Variants in ATRNL1 observed in about 807,000 individuals in gnomAD.
ATRNL1 encodes attractin-like protein 1.
ATRNL1 carries 95 observed loss-of-function variants against 182.7 expected under a neutral mutation model. The ratio of observed to expected loss-of-function variants is 0.52; its 90% confidence interval spans 0.44 to 0.62. ATRNL1 has a LOEUF of 0.62. Ranked by LOEUF, ATRNL1 falls within the 20% of genes least tolerant of loss-of-function variation. The pLI is 0.00. For missense variants in ATRNL1, 1,471 were observed against 1,679.5 expected (o/e 0.88, Z 2.17); for synonymous variants, 576 against 568.3 (o/e 1.01, Z -0.19).
At chr10:115,875,806 G>T (rs1555107101) in intron 28 of ATRNL1, among the ~76,000 whole-genome samples, 1 of 152,150 alleles carries the variant, frequency 6.6e-6, no homozygotes, top group African/African-American at 2.4e-5. Flanking sequence ...GTTACAAATT[G>T]TGATCATTGC....
At chr10:115,661,533 C>G (rs548023208) in intron 26 of ATRNL1, among the ~76,000 whole-genome samples, 1 of 152,242 alleles carries the variant, frequency 6.6e-6, no homozygotes, top group African/African-American at 2.4e-5. Flanking sequence ...AAGTTCCAGT[C>G]AGAAGATGAT....
intron 28 of ATRNL1, among the ~76,000 whole-genome samples, chr10:115,869,964 C>CTTTTTT (rs150345069): frequency 7.0e-5 from 5 of 71,692 alleles, no homozygotes; most frequent in African/African-American, 3.2e-4. Context: ...GTTCCCAGAC[C>CTTTTTT]TTTTTTTTTT....
intron 24 of ATRNL1, among the ~76,000 whole-genome samples, chr10:115,474,633 A>C (rs565440025): frequency 6.6e-6 from 1 of 150,584 alleles, no homozygotes; most frequent in African/African-American, 2.4e-5. Context: ...TGGTGTTAGG[A>C]CTCTTCACTG....
chr10:115,449,602 G>A (rs1052272881), intron 21 of ATRNL1, among the ~76,000 whole-genome samples: 1 of 152,238 alleles, frequency 6.6e-6, no homozygotes, highest in African/African-American at 2.4e-5. Flanking sequence ...GGGGTTGTGG[G>A]TACCCCCCAG....
At chr10:115,145,616 C>A (rs1845938934) in intron 5 of ATRNL1, among the ~76,000 whole-genome samples, 1 of 152,102 alleles carries the variant, frequency 6.6e-6, no homozygotes, top group African/African-American at 2.4e-5. Flanking sequence ...GATACTGTAA[C>A]AAAATCAAAT....
intron 20 of ATRNL1, among the ~76,000 whole-genome samples, chr10:115,420,884 G>GGATCATTAGAGACTATA (rs1592631757): frequency 6.6e-6 from 1 of 152,008 alleles, no homozygotes; most frequent in Non-Finnish European, 1.5e-5. Flanking sequence ...TGATACCACA[G>GGATCATTAGAGACTATA]CAATACAAAG....
At chr10:115,119,398 G>A (rs189334664) in intron 1 of ATRNL1, among the ~76,000 whole-genome samples, 223 of 152,066 alleles carry the variant, frequency 1.5e-3, no homozygotes, top group Non-Finnish European at 2.4e-3. Context: ...TGTGATGTGT[G>A]TGTGTTTGCA....
intron 26 of ATRNL1, among the ~76,000 whole-genome samples, chr10:115,640,578 T>C (rs1207426297): frequency 6.6e-6 from 1 of 152,198 alleles, no homozygotes; most frequent in Non-Finnish European, 1.5e-5. Flanking sequence ...ATGTGTTCTT[T>C]TGAGAAGTGT....
intron 20 of ATRNL1, among the ~76,000 whole-genome samples, chr10:115,417,038 C>A (rs1845423261): frequency 6.6e-6 from 1 of 152,130 alleles, no homozygotes; most frequent in Non-Finnish European, 1.5e-5. Flanking sequence ...TGTGAAAGCC[C>A]ACTGGAGCCC....
chr10:115,145,668 CT>C (rs1359791782), intron 5 of ATRNL1, among the ~76,000 whole-genome samples: 2 of 152,094 alleles, frequency 1.3e-5, no homozygotes, highest in Non-Finnish European at 2.9e-5. Flanking sequence ...GCATTGAAAT[CT>C]TGTTTTGACT....
At chr10:115,904,613 C>A (rs1283982526) in intron 28 of ATRNL1, among the ~76,000 whole-genome samples, 5 of 152,142 alleles carry the variant, frequency 3.3e-5, no homozygotes, top group Non-Finnish European at 7.4e-5. Context: ...ATTTCCTATT[C>A]CCCATTTCAA....
At chr10:115,357,799 T>C (rs894265744) in intron 19 of ATRNL1, among the ~76,000 whole-genome samples, 1 of 151,830 alleles carries the variant, frequency 6.6e-6, no homozygotes, top group Admixed American at 6.6e-5. Context: ...AATTTAAAAT[T>C]TTTAACTTTC....
At chr10:115,740,046 G>C (rs1036768589) in intron 27 of ATRNL1, among the ~76,000 whole-genome samples, 1 of 152,076 alleles carries the variant, frequency 6.6e-6, no homozygotes, top group Admixed American at 6.6e-5. Context: ...TGAAATACCA[G>C]ATATTCAAAA....
At chr10:115,893,209 G>A (rs1264043893) in intron 28 of ATRNL1, among the ~76,000 whole-genome samples, 1 of 152,206 alleles carries the variant, frequency 6.6e-6, no homozygotes, top group Non-Finnish European at 1.5e-5. Context: ...TGAGGGAAAT[G>A]GGGGCAGAAC....
At chr10:115,702,834 A>G (rs1475574247) in intron 26 of ATRNL1, among the ~76,000 whole-genome samples, 1 of 151,820 alleles carries the variant, frequency 6.6e-6, no homozygotes, top group Non-Finnish European at 1.5e-5. Flanking sequence ...GGAAGAATCA[A>G]TATCTACTGC....
chr10:115,785,883 A>T (rs977098457), intron 27 of ATRNL1, among the ~76,000 whole-genome samples: 3 of 152,146 alleles, frequency 2.0e-5, no homozygotes, highest in Admixed American at 6.6e-5. Context: ...TACATGTTTC[A>T]CCTTCCACAC....
At chr10:115,520,163 C>T (rs1366326589) in intron 25 of ATRNL1, among the ~76,000 whole-genome samples, 2 of 152,144 alleles carry the variant, frequency 1.3e-5, no homozygotes, top group Non-Finnish European at 2.9e-5. Context: ...GGAAATAGTG[C>T]AGTATGAATT....
At chr10:115,496,622 G>C (rs547981262) in intron 24 of ATRNL1, among the ~76,000 whole-genome samples, 66 of 152,196 alleles carry the variant, frequency 4.3e-4, no homozygotes, top group African/African-American at 1.6e-3. Flanking sequence ...CTAACTTTTC[G>C]ATGTGGACGT....
At chr10:115,544,533 G>C (rs1211568054) in intron 25 of ATRNL1, among the ~76,000 whole-genome samples, 1 of 152,140 alleles carries the variant, frequency 6.6e-6, no homozygotes, top group Non-Finnish European at 1.5e-5. Context: ...GAACAAGCAA[G>C]AGAGTTAAGG....
Sources: allele counts gnomAD v4.1 joint callset (sites outside exome capture counted in the v4.1 genomes callset), GRCh38; gene constraint gnomAD v4.1.1; transcripts MANE v1.5; gene names NCBI Gene and HGNC (gene_info 2026-07-23, HGNC 2026-07-21).